AFDN: variants seen among roughly 807,000 people sequenced by gnomAD.
AFDN encodes the protein afadin, adherens junction formation factor, also known as afadin.
In AFDN, 68 loss-of-function variants were observed where a neutral mutation model predicts 216.6. That is an observed-to-expected ratio of 0.31 (90% confidence interval 0.26 to 0.38). The LOEUF is 0.38. Ranked by LOEUF, AFDN falls within the 10% of genes least tolerant of loss-of-function variation. The pLI is 1.00. For synonymous variants in AFDN, 868 were observed against 853.7 expected, an observed-to-expected ratio of 1.02 and a Z score of -0.29; for missense variants, 2,136 against 2,342.0, an observed-to-expected ratio of 0.91 and a Z score of 1.82.
At chr6:167,858,256 C>CAGAT (rs1210158024) in intron 1 of AFDN, among the ~76,000 whole-genome samples, 1 of 152,110 alleles carries the variant, frequency 6.6e-6, no homozygotes, top group Non-Finnish European at 1.5e-5. Flanking sequence ...CTGCTGTGAG[C>CAGAT]AGATGATTGT....
intron 23 of AFDN, among the ~76,000 whole-genome samples, chr6:167,936,654 T>C (rs1794038182): frequency 1.3e-5 from 2 of 152,212 alleles, no homozygotes; most frequent in South Asian, 2.1e-4. Flanking sequence ...TGTTAAGGAA[T>C]TGTTATGGCT....
intron 23 of AFDN, among the ~76,000 whole-genome samples, chr6:167,934,239 A>G (rs937170179): frequency 3.9e-5 from 6 of 152,210 alleles, no homozygotes; most frequent in Non-Finnish European, 8.8e-5. Context: ...TATTTTATAC[A>G]AAGCATAAAC....
At chr6:167,882,927 G>A (rs766856265) in intron 6 of AFDN, among the ~76,000 whole-genome samples, 1 of 152,098 alleles carries the variant, frequency 6.6e-6, no homozygotes, top group Non-Finnish European at 1.5e-5. Context: ...AGTAACTATG[G>A]TATCTGGCAT....
At chr6:167,851,387 T>A (rs1782289028) in intron 1 of AFDN, among the ~76,000 whole-genome samples, 1 of 152,208 alleles carries the variant, frequency 6.6e-6, no homozygotes, top group South Asian at 2.1e-4. Context: ...GTATTAAGCC[T>A]AGTATCCATT....
At chr6:167,843,852 G>A (rs1403973904) in intron 1 of AFDN, among the ~76,000 whole-genome samples, 1 of 152,108 alleles carries the variant, frequency 6.6e-6, no homozygotes, top group Non-Finnish European at 1.5e-5. Flanking sequence ...AGAACCTTTT[G>A]TGTTAACATT....
intron 11 of AFDN, among the ~76,000 whole-genome samples, chr6:167,899,636 C>T (rs1403987031): frequency 1.3e-5 from 2 of 152,284 alleles, no homozygotes; most frequent in South Asian, 2.1e-4. Flanking sequence ...CCTGTTTCTT[C>T]CCTTCAGCAT....
chr6:167,948,830 T>A (rs1448218872), intron 29 of AFDN, among the ~76,000 whole-genome samples: 1 of 152,124 alleles, frequency 6.6e-6, no homozygotes, highest in African/African-American at 2.4e-5. Flanking sequence ...GGCAGGGAAA[T>A]GAGACAGACA....
chr6:167,913,623 A>T, intron 16 of AFDN, 200 bp downstream of exon 16: 1 of 568,676 alleles, frequency 1.8e-6, no homozygotes, highest in Non-Finnish European at 3.1e-6. Flanking sequence ...AATGCACTTC[A>T]GTGTGGATAT....
intron 19 of AFDN, 37 bp from the exon 20 acceptor site, chr6:167,917,052 A>T: frequency 1.3e-6 from 2 of 1,581,822 alleles, no homozygotes; most frequent in South Asian, 2.3e-5. Context: ...ATAACTTTAC[A>T]AGTGTGATAT....
At chr6:167,876,321 T>C (rs1291961962) in intron 5 of AFDN, among the ~76,000 whole-genome samples, 4 of 152,232 alleles carry the variant, frequency 2.6e-5, no homozygotes, top group Non-Finnish European at 5.9e-5. Flanking sequence ...ACGGGACTTC[T>C]TGGTTCCATA....
intron 28 of AFDN, 111 bp from the exon 29 acceptor site, chr6:167,948,182 A>G: frequency 1.1e-6 from 1 of 937,910 alleles, no homozygotes; most frequent in South Asian, 1.9e-5. Context: ...ACACTTTTTA[A>G]TGCAGTATTT....
chr6:167,836,137 G>A (rs1315771948), intron 1 of AFDN, among the ~76,000 whole-genome samples: 1 of 152,200 alleles, frequency 6.6e-6, no homozygotes, highest in Non-Finnish European at 1.5e-5. Flanking sequence ...CTATTAGAGT[G>A]ATGACCATCA....
At chr6:167,827,314 C>CG in intron 1 of AFDN, 77 bp downstream of exon 1, 1 of 533,422 alleles carries the variant, frequency 1.9e-6, no homozygotes, top group Non-Finnish European at 2.4e-6. Context: ...CCGCCGCCGC[C>CG]CGCCAGCCGC....
At chr6:167,963,390 T>TTCAG (rs1797229894) in intron 31 of AFDN, 1 of 1,056,912 alleles carries the variant, frequency 9.5e-7, no homozygotes, top group African/African-American at 1.6e-5. Context: ...GGTAGAAGCT[T>TTCAG]TCAGTGTTAC....
At chr6:167,948,560 A>G (rs117867742) in intron 29 of AFDN, 82 bp downstream of exon 29, 152 of 1,305,382 alleles carry the variant, frequency 1.2e-4, no homozygotes, top group Admixed American at 1.4e-4. Context: ...AATATTTTCT[A>G]TAGAACAGCA....
chr6:167,936,666 G>A (rs150917999), intron 23 of AFDN, among the ~76,000 whole-genome samples: 9 of 152,110 alleles, frequency 5.9e-5, no homozygotes, highest in Non-Finnish European at 1.0e-4. Flanking sequence ...GTTATGGCTC[G>A]ACAGACGACA....
rs140128554 is a variant in AFDN at position 167,951,572 on chromosome 6, G to C, written c.4218G>C (p.Leu1406=). 1 of 1,613,952 alleles carries C rather than the reference G, an allele frequency of 6.2e-7. No individual in the cohort carries two copies. The highest frequency in any genetic ancestry group is 1.1e-5 in the South Asian group (1 of 91,014). The change falls in exon 30 of 34, where the codon CTG becomes CTC. Residue 1406 remains leucine, a synonymous_variant. Coordinates refer to ENST00000683244, the MANE Select transcript of AFDN (RefSeq NM_001386888.1). This position sits in a 1 kb window ranked among gnomAD's most constrained non-coding sequence, Gnocchi z 7.1. ...PPPPSANQIG[L]PSAQVAAAER... is the part of the protein sequence containing the mutation. ...CCCCTTCCGCCAACCAGATAGGGCTGCCGTCTGCGCAGGTGGCTGCTGCTG... is the reference window on the plus strand; with the variant it reads ...CCCCTTCCGCCAACCAGATAGGGCTCCCGTCTGCGCAGGTGGCTGCTGCTG...
At chr6:167,853,054 T>TA (rs1474243942) in intron 1 of AFDN, among the ~76,000 whole-genome samples, 1 of 152,108 alleles carries the variant, frequency 6.6e-6, no homozygotes, top group East Asian at 1.9e-4. Flanking sequence ...GACTACAGTC[T>TA]AAGTGCTAGA....
chr6:167,861,902 G>A (rs1421115255), intron 1 of AFDN, among the ~76,000 whole-genome samples: 1 of 152,174 alleles, frequency 6.6e-6, no homozygotes, highest in Non-Finnish European at 1.5e-5. Flanking sequence ...CAAAATGATT[G>A]AGTACTATGG....
Sources: allele counts gnomAD v4.1 joint callset (sites outside exome capture counted in the v4.1 genomes callset), GRCh38; gene constraint gnomAD v4.1.1; non-coding constraint Gnocchi (gnomAD v3.1); transcripts MANE v1.5; gene names NCBI Gene and HGNC (gene_info 2026-07-23, HGNC 2026-07-21).